Variants in OPHN1 observed in about 807,000 individuals in gnomAD.
The protein encoded by OPHN1 is oligophrenin 1, also known as oligophrenin-1.
A neutral mutation model predicts 60.7 loss-of-function variants in OPHN1; 11 were observed. That is an observed-to-expected ratio of 0.18 (90% CI 0.11 to 0.30). The LOEUF (loss-of-function observed/expected upper bound fraction) is 0.30, where lower values mean the gene tolerates loss of function less well. Ranked by LOEUF, OPHN1 falls within the 10% of genes least tolerant of loss-of-function variation. OPHN1 has a pLI of 1.00. For missense variants in OPHN1, 449 were observed against 611.0 expected, an observed-to-expected ratio of 0.73 and a Z score of 2.80; for synonymous variants, 226 against 222.6, an observed-to-expected ratio of 1.02 and a Z score of -0.14.
chrX:68,110,709 C>T (rs1314926366), intron 18 of OPHN1, among the ~76,000 whole-genome samples: 3 of 112,253 alleles, frequency 2.7e-5, no homozygotes, highest in African/African-American at 9.7e-5. Flanking sequence ...AGACCACATG[C>T]CTCTTAATGT....
At chrX:68,333,355 G>A (rs1207790479) in intron 2 of OPHN1, among the ~76,000 whole-genome samples, 3 of 109,622 alleles carry the variant, frequency 2.7e-5, no homozygotes, top group African/African-American at 6.6e-5. Flanking sequence ...ACACACATGC[G>A]GCCGGGCACG....
At chrX:68,135,577 T>C (rs1476619567) in intron 15 of OPHN1, among the ~76,000 whole-genome samples, 1 of 112,296 alleles carries the variant, frequency 8.9e-6, no homozygotes, top group African/African-American at 3.2e-5. Flanking sequence ...AGCTGCTGTG[T>C]AGACAACAGT....
In OPHN1 at chrX:68,099,744, T is replaced by C. The variant is rs182867010; in HGVS notation, c.1527-2715A>G. Among the ~76,000 whole-genome samples the C allele has an allele frequency of 7.1e-5, 8 of 112,250 alleles. No homozygotes were observed. In the Admixed American group the frequency reaches 7.6e-4, roughly 11 times the overall value. ...GATCCAGTGTGCTAACATCCTCTTTTTTTCCTGAAATGTATATTTTGATGT... is the reference window on the plus strand; with the variant it reads ...GATCCAGTGTGCTAACATCCTCTTTCTTTCCTGAAATGTATATTTTGATGT... On this transcript the variant is annotated intron_variant, in intron 18 of 24. Transcript: ENST00000355520.
intron 2 of OPHN1, among the ~76,000 whole-genome samples, chrX:68,333,115 AAAAT>A (rs1022534084): frequency 9.1e-6 from 1 of 110,229 alleles, no homozygotes; most frequent in Non-Finnish European, 1.9e-5. Context: ...AATGCATGCA[AAAAT>A]AAATAAATAC....
intron 9 of OPHN1, among the ~76,000 whole-genome samples, chrX:68,209,505 G>A (rs746473600): frequency 8.9e-6 from 1 of 111,797 alleles, no homozygotes; most frequent in South Asian, 3.8e-4. Context: ...GTATGAGGCT[G>A]TAGTGAGCTA....
intron 2 of OPHN1, among the ~76,000 whole-genome samples, chrX:68,360,888 T>C (rs1470347084): frequency 8.9e-6 from 1 of 111,866 alleles, no homozygotes; most frequent in Non-Finnish European, 1.9e-5. Context: ...GTGATGACAG[T>C]GCATGGATAG....
At chrX:68,366,350 A>G (rs2147724253) in intron 2 of OPHN1, among the ~76,000 whole-genome samples, 1 of 110,902 alleles carries the variant, frequency 9.0e-6, no homozygotes, top group African/African-American at 3.3e-5. Context: ...CTAAATTGAG[A>G]CAGGGTCTCA....
chrX:68,159,042 A>G (rs2077322672), intron 15 of OPHN1, among the ~76,000 whole-genome samples: 1 of 111,242 alleles, frequency 9.0e-6, no homozygotes. Flanking sequence ...GAGAAGGATG[A>G]CACTGTCCCC....
intron 19 of OPHN1, among the ~76,000 whole-genome samples, chrX:68,082,642 C>G (rs759949099): frequency 8.9e-6 from 1 of 112,346 alleles, no homozygotes; most frequent in African/African-American, 3.2e-5. Context: ...ATTCTGTAGA[C>G]AGATGTGTTG....
intron 3 of OPHN1, among the ~76,000 whole-genome samples, chrX:68,284,254 A>T (rs2078030934): frequency 9.0e-6 from 1 of 110,648 alleles, no homozygotes; most frequent in African/African-American, 3.3e-5. Flanking sequence ...TTTAATTGTG[A>T]CAATATCTTT....
chrX:68,355,569 C>T (rs1190763636), intron 2 of OPHN1, among the ~76,000 whole-genome samples: 3 of 112,274 alleles, frequency 2.7e-5, no homozygotes, highest in South Asian at 3.6e-4. Context: ...TTGAGGCTAC[C>T]GTGCAAGATC....
At chrX:68,209,293 T>G (rs2077573620) in intron 9 of OPHN1, among the ~76,000 whole-genome samples, 2 of 112,387 alleles carry the variant, frequency 1.8e-5, no homozygotes, top group African/African-American at 6.5e-5. Flanking sequence ...CCACTTTACT[T>G]AGTCACCAAT....
chrX:68,092,319 C>T (rs1338254890), intron 19 of OPHN1, among the ~76,000 whole-genome samples: 1 of 111,908 alleles, frequency 8.9e-6, no homozygotes, highest in East Asian at 2.8e-4. Context: ...ATCCCACAAC[C>T]ACCATGTGAG....
In OPHN1 at chrX:68,401,487, A is replaced by ACAATTGTACAGTAACG. The variant is rs1333665760; in HGVS notation, c.154+31364_154+31379dup. Among the ~76,000 whole-genome samples the ACAATTGTACAGTAACG allele has an allele frequency of 3.6e-5, 4 of 112,398 alleles. No individual in the cohort carries two copies. The Admixed American group carries it at 3.8e-4, about 11-fold the overall frequency. On this transcript the variant is annotated intron_variant, in intron 2 of 24. Transcript: ENST00000355520. ...CCTAAGTTTCAAATTGTACCGTAACACAATTGTACAGTAACGCAATTGTAC... is the reference window on the plus strand; with the variant it reads ...CCTAAGTTTCAAATTGTACCGTAACACAATTGTACAGTAACGCAATTGTACAGTAACGCAATTGTAC...
Position 68,213,754 on chromosome X carries a change from T to C in OPHN1, c.597+108A>G. On this transcript the variant is annotated intron_variant, in intron 7 of 24. Coordinates refer to ENST00000355520, the MANE Select transcript of OPHN1 (RefSeq NM_002547.3). ...TAGACTACGTTCTAGACATTTCCAC[T>C]GATTATCCTTCACGTTCTTTGGGAT... 3 of 537,052 alleles carry C rather than the reference T, an allele frequency of 5.6e-6. No homozygotes were observed. The Admixed American group carries it at 8.5e-5, about 15-fold the overall frequency. The allele number at this position is 537,052 out of a possible 1,213,427, so 44.3% of individuals were successfully genotyped here.
intron 15 of OPHN1, among the ~76,000 whole-genome samples, chrX:68,146,676 G>T (rs5918817): frequency 0.13 from 14,542 of 112,051 alleles, 997 homozygotes; most frequent in Middle Eastern, 0.25. Flanking sequence ...CCATAAAAGG[G>T]CCTTGATATT....
At chrX:68,126,831 T>C (rs902582709) in intron 15 of OPHN1, among the ~76,000 whole-genome samples, 9 of 112,140 alleles carry the variant, frequency 8.0e-5, no homozygotes, top group African/African-American at 2.9e-4. Flanking sequence ...TCTTTTCCTC[T>C]AGGTTGGTCA....
At position 68,045,927 on chromosome X, in the gene OPHN1, T is replaced by G. The variant is rs1346278994; in HGVS notation, c.*1245A>C. The G allele has an allele frequency of 8.9e-6, 1 of 111,822 alleles. No individual in the cohort carries two copies. The highest frequency in any genetic ancestry group is 1.9e-5 in the Non-Finnish European group (1 of 53,174). The allele number at this position is 111,822 out of a possible 1,213,427, so 9.2% of individuals were successfully genotyped here. The stretch of plus-strand genomic sequence containing the variant: ...GAGCCTGGGACCTGAGATCTTGTAC[T>G]GGTGTGATCACTACCTTGCTCTGCC... On this transcript the variant is annotated 3_prime_UTR_variant, in exon 25 of 25. Coordinates refer to ENST00000355520, the MANE Select transcript of OPHN1 (RefSeq NM_002547.3).
chrX:68,180,296 T>G (rs962057109), intron 15 of OPHN1, among the ~76,000 whole-genome samples: 1 of 111,627 alleles, frequency 9.0e-6, no homozygotes. Context: ...GTGAGTAGGA[T>G]TTGGGGTGAA....
Sources: gnomAD v4.1 joint callset for allele counts (sites outside exome capture counted in the v4.1 genomes callset) on GRCh38, gnomAD v4.1.1 for gene constraint, MANE v1.5 for transcripts, NCBI Gene and HGNC (gene_info 2026-07-23, HGNC 2026-07-21) for gene names.